Variants in CTDP1 observed in about 807,000 individuals in gnomAD.
The protein encoded by CTDP1 is RNA polymerase II subunit A C-terminal domain phosphatase.
Under a neutral mutation model 91.8 loss-of-function variants are expected in CTDP1, and 47 were observed. That is an observed-to-expected ratio of 0.51 (90% CI 0.41 to 0.65). The LOEUF (loss-of-function observed/expected upper bound fraction) is 0.65, where lower values mean the gene tolerates loss of function less well. Ranked by LOEUF, CTDP1 falls within the 30% of genes least tolerant of loss-of-function variation. CTDP1 has a pLI of 0.00. For missense variants in CTDP1, 1,272 were observed against 1,373.7 expected (o/e 0.93, Z 1.17); for synonymous variants, 656 against 598.5 (o/e 1.10, Z -1.40).
chr18:79,679,869 G>A lies in CTDP1; in HGVS notation c.-79G>A. On this transcript the variant is annotated 5_prime_UTR_variant, in exon 1 of 13. Coordinates refer to ENST00000613122, the MANE Select transcript of CTDP1 (RefSeq NM_004715.5). Reference sequence around the variant, plus strand: ...GAGGAACTACAGCGTCGCCGCCTGGGTTGTGTCGCCGCGGTAGGCGCTGCG... The same window carrying A: ...GAGGAACTACAGCGTCGCCGCCTGGATTGTGTCGCCGCGGTAGGCGCTGCG... The A allele has an allele frequency of 7.9e-7, 1 of 1,270,496 alleles. No homozygotes were observed. The highest frequency in any genetic ancestry group is 1.0e-6 in the Non-Finnish European group (1 of 981,756). The allele number at this position is 1,270,496 out of a possible 1,614,324, so 78.7% of individuals were successfully genotyped here. A position where few individuals can be genotyped will look rare whatever the true frequency, so the allele number is the denominator to read the frequency against.
At chr18:79,745,015 G>T (rs2086851270) in intron 12 of CTDP1, among the ~76,000 whole-genome samples, 1 of 152,218 alleles carries the variant, frequency 6.6e-6, no homozygotes, top group African/African-American at 2.4e-5. Context: ...TGGCCAGCTG[G>T]CTCTCAGCAG....
intron 8 of CTDP1, among the ~76,000 whole-genome samples, chr18:79,716,930 G>A (rs954535406): frequency 1.3e-5 from 2 of 152,292 alleles, no homozygotes; most frequent in Admixed American, 6.5e-5. Flanking sequence ...CCCTGGCCTG[G>A]CAGATGGGAA....
intron 1 of CTDP1, among the ~76,000 whole-genome samples, chr18:79,683,739 C>T (rs1478444227): frequency 6.6e-6 from 1 of 152,190 alleles, no homozygotes; most frequent in Non-Finnish European, 1.5e-5. Context: ...CTGGTGGCTC[C>T]TTGGTGAGGG....
At chr18:79,718,071 G>C (rs532946505) in intron 10 of CTDP1, 55 bp downstream of exon 10, 2 of 1,595,636 alleles carry the variant, frequency 1.3e-6, no homozygotes, top group African/African-American at 2.7e-5. Context: ...CAAGCTTGCT[G>C]CTCCAGTCTG....
At chr18:79,728,742 T>C (rs528732982) in intron 10 of CTDP1, among the ~76,000 whole-genome samples, 165 bp from the exon 11 acceptor site, 11 of 152,350 alleles carry the variant, frequency 7.2e-5, no homozygotes, top group African/African-American at 2.4e-4. Flanking sequence ...TTCTGATCCA[T>C]TAACCTCTGA....
Position 79,714,938 on chromosome 18 carries a change from G to T in CTDP1, c.1478G>T (p.Gly493Val), listed in dbSNP as rs923804924. Reference protein sequence around the residue: ...GRQKPKAAPEGAGALAQGSSL... With the variant: ...GRQKPKAAPEVAGALAQGSSL... ...CAGAAGCCGAAGGCTGCCCCAGAGGGAGCCGGGGCGCTGGCACAGGGCAGT... is the reference window on the plus strand; with the variant it reads ...CAGAAGCCGAAGGCTGCCCCAGAGGTAGCCGGGGCGCTGGCACAGGGCAGT... Residue 493 changes from glycine (G) to valine (V), a missense_variant, in exon 8 of 13, where the codon GGA becomes GTA. By Grantham distance (109) the Gly-to-Val change is moderately radical. This residue lies in a region of CTDP1 where 881 missense variants were observed against 911.6 expected (regional missense o/e 0.97). Coordinates refer to ENST00000613122, the MANE Select transcript of CTDP1 (RefSeq NM_004715.5). 8 of 1,562,884 alleles carry T rather than the reference G, an allele frequency of 5.1e-6. No homozygotes were observed. The Admixed American group carries it at 1.4e-4, about 26-fold the overall frequency.
rs764348671 is a variant in CTDP1, at chr18:79,732,372, A to T, written c.2580+3303A>T. On this transcript the variant is annotated intron_variant, in intron 11 of 12. Coordinates refer to ENST00000613122, the MANE Select transcript of CTDP1 (RefSeq NM_004715.5). Reference sequence around the variant, plus strand: ...AATCACGTGAGACATGAGAACTCACATCAGGAGTGCTCCCAAAATCACGCG... The same window carrying T: ...AATCACGTGAGACATGAGAACTCACTTCAGGAGTGCTCCCAAAATCACGCG... Among the ~76,000 whole-genome samples, 7 of 134,918 alleles carry T rather than the reference A, an allele frequency of 5.2e-5. No individual in the cohort carries two copies. In the Admixed American group the frequency reaches 5.3e-4, roughly 10 times the overall value. 88.5% of individuals were successfully genotyped at this position (134,918 alleles called of 152,430 possible).
At position 79,706,033 on chromosome 18, in the gene CTDP1, A is replaced by G. The variant is rs148974710; in HGVS notation, c.772+1116A>G. On this transcript the variant is annotated intron_variant, in intron 5 of 12. Coordinates refer to ENST00000613122, the MANE Select transcript of CTDP1 (RefSeq NM_004715.5). The stretch of plus-strand genomic sequence containing the variant: ...TGAGGGTTTTACAGCCCCCAAGTCC[A>G]TGTGTTAAAACCCAGTCCCAGGGCG... Among the ~76,000 whole-genome samples, 16 of 152,270 alleles carry G rather than the reference A, an allele frequency of 1.1e-4. No individual in the cohort carries two copies. The East Asian group carries it at 2.1e-3, about 20-fold the overall frequency.
intron 10 of CTDP1, among the ~76,000 whole-genome samples, chr18:79,718,363 C>T (rs1221598148): frequency 2.6e-5 from 4 of 152,204 alleles, no homozygotes; most frequent in Non-Finnish European, 5.9e-5. Flanking sequence ...CTGAGCCCCC[C>T]TCCCCACTCG....
At chr18:79,686,192 T>C (rs1465978888) in intron 1 of CTDP1, among the ~76,000 whole-genome samples, 1 of 152,232 alleles carries the variant, frequency 6.6e-6, no homozygotes, top group Non-Finnish European at 1.5e-5. Context: ...AAATGGTTTG[T>C]AGGTTTCAGA....
chr18:79,733,690 TGCTTTCCC>T lies in CTDP1; in HGVS notation c.2581-2663_2581-2656del, dbSNP rs1259348996. On this transcript the variant is annotated intron_variant, in intron 11 of 12. Coordinates refer to ENST00000613122, the MANE Select transcript of CTDP1 (RefSeq NM_004715.5). ...CCTGTTCTGCTTCTCATGCTCAGGA[TGCTTTCCC>T]GACCTTGCTCTGTGTCTCTTCTTGT... Among the ~76,000 whole-genome samples the T allele has an allele frequency of 3.3e-5, 5 of 152,196 alleles. No homozygotes were observed. In the East Asian group the frequency reaches 9.6e-4, roughly 29 times the overall value.
intron 8 of CTDP1, among the ~76,000 whole-genome samples, chr18:79,716,345 G>A (rs565608180): frequency 1.3e-5 from 2 of 152,198 alleles, no homozygotes; most frequent in Non-Finnish European, 2.9e-5. Flanking sequence ...TTGAGGCCAC[G>A]GCTCTGGCAC....
intron 1 of CTDP1, among the ~76,000 whole-genome samples, chr18:79,684,095 C>T (rs973852481): frequency 6.6e-5 from 10 of 152,244 alleles, no homozygotes; most frequent in Admixed American, 2.0e-4. Flanking sequence ...GCTCAAGCGT[C>T]GCTTGTGTGC....
chr18:79,681,603 C>A, intron 1 of CTDP1: 1 of 459,330 alleles, frequency 2.2e-6, no homozygotes, highest in Non-Finnish European at 2.9e-6. Flanking sequence ...GTGCATCAGT[C>A]AGTCAGCCAG....
chr18:79,678,956 A>AAGTGCTGAGCCTCCCG (rs1568164562), upstream of CTDP1: 34 of 187,890 alleles, frequency 1.8e-4, no homozygotes, highest in East Asian at 4.0e-3. Flanking sequence ...TGAGCCTCCC[A>AAGTGCTGAGCCTCCCG]AAGTGCTGAG....
intron 5 of CTDP1, among the ~76,000 whole-genome samples, chr18:79,707,630 C>G (rs2085994083): frequency 6.6e-6 from 1 of 152,226 alleles, no homozygotes; most frequent in African/African-American, 2.4e-5. Flanking sequence ...AGACCAGTAT[C>G]CCTTTGAACA....
intron 12 of CTDP1, among the ~76,000 whole-genome samples, chr18:79,747,671 T>TA (rs1306811589): frequency 1.3e-5 from 2 of 152,226 alleles, no homozygotes; most frequent in Non-Finnish European, 2.9e-5. Context: ...CTGGGGAAAT[T>TA]ATCCGCCATG....
intron 10 of CTDP1, among the ~76,000 whole-genome samples, chr18:79,726,639 G>A (rs1052211524): frequency 6.6e-6 from 1 of 151,908 alleles, no homozygotes; most frequent in Admixed American, 6.6e-5. Context: ...AGCAGGAGTG[G>A]AGGCCCCCTT....
intron 4 of CTDP1, among the ~76,000 whole-genome samples, chr18:79,700,610 G>A (rs1292693905): frequency 5.3e-5 from 8 of 152,218 alleles, no homozygotes; most frequent in East Asian, 3.8e-4. Context: ...GGAAGAAGCC[G>A]TCTCCGTAAC....
Sources: allele counts gnomAD v4.1 joint callset (sites outside exome capture counted in the v4.1 genomes callset), GRCh38; gene constraint gnomAD v4.1.1; regional missense constraint gnomAD v4.1.1; transcripts MANE v1.5; gene names NCBI Gene and HGNC (gene_info 2026-07-23, HGNC 2026-07-21).